TCF3: variants seen among roughly 807,000 people sequenced by gnomAD.
The protein encoded by TCF3 is transcription factor E2-alpha.
A neutral mutation model predicts 72.3 loss-of-function variants in TCF3; 54 were observed. The observed-to-expected ratio is 0.75, with a 90% confidence interval of 0.60 to 0.94. TCF3 has a LOEUF of 0.94. Ranked by LOEUF, TCF3 falls within the 40% of genes least tolerant of loss-of-function variation. The probability of loss-of-function intolerance (pLI) is 0.00; values close to 1 mark genes in which losing one functional copy is unlikely to be tolerated. For synonymous variants in TCF3, 525 were observed against 412.6 expected, an observed-to-expected ratio of 1.27 and a Z score of -3.30; for missense variants, 1,078 against 934.4, an observed-to-expected ratio of 1.15 and a Z score of -2.00.
At chr19:1,616,061 A>C (rs539683679) in intron 16 of TCF3, among the ~76,000 whole-genome samples, 3 of 152,212 alleles carry the variant, frequency 2.0e-5, no homozygotes, top group African/African-American at 7.2e-5. Context: ...CTTTGGAACA[A>C]AGTGTGTAGA....
At chr19:1,622,458 G>A (rs1035202917) in intron 8 of TCF3, 43 bp from the exon 9 acceptor site, 9 of 1,058,830 alleles carry the variant, frequency 8.5e-6, no homozygotes, top group African/African-American at 3.2e-5. Context: ...AGGACGGAGG[G>A]ACCACGATCA....
At chr19:1,629,398 C>T (rs1404187832) in intron 5 of TCF3, among the ~76,000 whole-genome samples, 2 of 152,164 alleles carry the variant, frequency 1.3e-5, no homozygotes, top group African/African-American at 4.8e-5. Flanking sequence ...TGACCTGCAC[C>T]CCACCAATGA....
intron 18 of TCF3, chr19:1,612,530 G>A (rs1480588252): frequency 1.6e-6 from 2 of 1,237,750 alleles, no homozygotes; most frequent in Non-Finnish European, 2.3e-6. Context: ...ACTTGTGTTT[G>A]TGCTGGTGTG....
chr19:1,641,762 CTT>C (rs542594026), intron 3 of TCF3, among the ~76,000 whole-genome samples: 4 of 151,082 alleles, frequency 2.6e-5, no homozygotes, highest in African/African-American at 7.3e-5. Flanking sequence ...TGAAATTTTT[CTT>C]TTTTTTTAAA....
At chr19:1,616,290 T>C (rs774883288) in intron 16 of TCF3, among the ~76,000 whole-genome samples, 1 of 151,832 alleles carries the variant, frequency 6.6e-6, no homozygotes. Context: ...CTGGCTAACA[T>C]GGTGAAACCC....
At chr19:1,634,348 TTGGTGAAGCACCGCA>T (rs1351431851) in intron 3 of TCF3, among the ~76,000 whole-genome samples, 2 of 152,252 alleles carry the variant, frequency 1.3e-5, no homozygotes, top group Non-Finnish European at 2.9e-5. Context: ...TGTGATTTCT[TTGGTGAAGCACCGCA>T]GAGTTTTACC....
chr19:1,624,380 G>GA (rs1442621662), intron 7 of TCF3, among the ~76,000 whole-genome samples: 3 of 152,182 alleles, frequency 2.0e-5, no homozygotes, highest in Admixed American at 6.5e-5. Flanking sequence ...TGGGGACAGA[G>GA]AAAGACTCCG....
intron 8 of TCF3, 141 bp from the exon 9 acceptor site, chr19:1,622,556 G>A (rs1301587757): frequency 3.4e-5 from 18 of 523,372 alleles, no homozygotes; most frequent in Non-Finnish European, 5.0e-5. Flanking sequence ...CCCCCTTTAG[G>A]TAAATCCCAG....
At position 1,651,226 on chromosome 19, in the gene TCF3, C is replaced by T. The variant is rs1379861208; in HGVS notation, c.-39-939G>A. The T allele has an allele frequency of 1.8e-5, 4 of 228,560 alleles. No individual in the cohort carries two copies. In the East Asian group the frequency reaches 2.5e-4, roughly 14 times the overall value. 14.2% of individuals were successfully genotyped at this position (228,560 alleles called of 1,614,324 possible). On this transcript the variant is annotated intron_variant, in intron 1 of 18. Coordinates refer to ENST00000262965, the MANE Select transcript of TCF3 (RefSeq NM_003200.5). ...GAAATGCACTCCAGGCCCCTCCAGT[C>T]TCGACTTTCCCCAGGGGTCCCCAGG... is the stretch of plus-strand genomic sequence containing the variant.
At chr19:1,635,807 C>T (rs1014564877) in intron 3 of TCF3, among the ~76,000 whole-genome samples, 3 of 152,184 alleles carry the variant, frequency 2.0e-5, no homozygotes, top group Non-Finnish European at 4.4e-5. Context: ...TCCCCAAAAG[C>T]AAATGAAATA....
intron 14 of TCF3, 123 bp downstream of exon 14, chr19:1,619,657 G>A (rs1051952956): frequency 2.4e-6 from 3 of 1,266,482 alleles, no homozygotes; most frequent in Admixed American, 2.2e-5. Context: ...GCGGCCACGA[G>A]GCCTCAATAA....
chr19:1,624,594 C>G (rs1019687967), intron 7 of TCF3, among the ~76,000 whole-genome samples: 1 of 152,226 alleles, frequency 6.6e-6, no homozygotes, highest in South Asian at 2.1e-4. Context: ...GACTATCCCA[C>G]GCAGTCAGGC....
At chr19:1,631,273 CTT>C (rs35041312) in intron 5 of TCF3, among the ~76,000 whole-genome samples, 5 of 144,818 alleles carry the variant, frequency 3.5e-5, no homozygotes, top group Non-Finnish European at 1.5e-5. Flanking sequence ...AGTCTTCATT[CTT>C]TTTTTTTTTT....
In TCF3 at chr19:1,611,881, C is replaced by T. The variant is rs781282869; in HGVS notation, c.1823-32G>A. The T allele has an allele frequency of 8.3e-5, 126 of 1,522,620 alleles. 3 individuals are homozygous for T. The South Asian group carries it at 1.1e-3, about 13-fold the overall frequency. The allele number at this position is 1,522,620 out of a possible 1,614,324, so 94.3% of individuals were successfully genotyped here. A position where few individuals can be genotyped will look rare whatever the true frequency, so the allele number is the denominator to read the frequency against. On this transcript the variant is annotated intron_variant, in intron 18 of 18. Coordinates refer to ENST00000262965, the MANE Select transcript of TCF3 (RefSeq NM_003200.5). The stretch of plus-strand genomic sequence containing the variant: ...GGAGGGGGGAGAGCTCTGTGGGAGA[C>T]GGTCCCAGGGAGGAGAAAGATGTGA...
chr19:1,643,042 G>C (rs1444470255), intron 3 of TCF3, among the ~76,000 whole-genome samples: 1 of 152,212 alleles, frequency 6.6e-6, no homozygotes, highest in East Asian at 1.9e-4. Flanking sequence ...CGTGGCCTCA[G>C]AGCCTGTCTG....
At position 1,630,339 on chromosome 19, in the gene TCF3, G is replaced by A. The variant is rs117702184; in HGVS notation, c.298+1699C>T. Among the ~76,000 whole-genome samples the A allele has an allele frequency of 9.1e-3, 1,390 of 152,278 alleles. 13 individuals carry two copies. Among genetic ancestry groups the A allele is most frequent in the Middle Eastern group, 0.058 (17 of 294 alleles). On this transcript the variant is annotated intron_variant, in intron 5 of 18. Transcript: ENST00000262965. Reference sequence around the variant, plus strand: ...ACGTGGTGGGCCCTCAGACACACCCGCCAGACCTTCACGCTATTCGCTTCC... The same window carrying A: ...ACGTGGTGGGCCCTCAGACACACCCACCAGACCTTCACGCTATTCGCTTCC...
intron 11 of TCF3, among the ~76,000 whole-genome samples, 186 bp downstream of exon 11, chr19:1,621,652 G>A (rs932904332): frequency 6.6e-6 from 1 of 152,202 alleles, no homozygotes; most frequent in African/African-American, 2.4e-5. Context: ...TCTGTTTCCA[G>A]ACATCCCAAG....
At chr19:1,627,466 A>C (rs774077830) in intron 5 of TCF3, 40 bp from the exon 6 acceptor site, 2 of 1,600,144 alleles carry the variant, frequency 1.2e-6, no homozygotes, top group Non-Finnish European at 1.7e-6. Context: ...GGCGACCCCA[A>C]GGAACATCCT....
chr19:1,619,774 A>ACTCACCAGGCC lies in TCF3; in HGVS notation c.1162_1167+5dup. 6.5e-7 allele frequency: 1 copy of ACTCACCAGGCC among 1,543,270 alleles called. No homozygotes were observed. ...AAGGGTGGGGTGGGGCGGGGCAGGC[A>ACTCACCAGGCC]CTCACCAGGCCGTGGAGACCCCCGT... On this transcript the variant is annotated splice_donor_region_variant and intron_variant, in intron 14 of 18. Coordinates refer to ENST00000262965, the MANE Select transcript of TCF3 (RefSeq NM_003200.5).
Sources: allele counts gnomAD v4.1 joint callset (sites outside exome capture counted in the v4.1 genomes callset), GRCh38; gene constraint gnomAD v4.1.1; transcripts MANE v1.5; gene names NCBI Gene and HGNC (gene_info 2026-07-23, HGNC 2026-07-21).